The following CIB4 variants were observed in gnomAD, a reference collection of about 807,000 sequenced individuals.
CIB4 encodes the protein calcium and integrin-binding family member 4.
A neutral mutation model predicts 25.8 loss-of-function variants in CIB4; 25 were observed. That is an observed-to-expected ratio of 0.97 (90% confidence interval 0.71 to 1.35). The LOEUF (loss-of-function observed/expected upper bound fraction) is 1.35, where lower values mean the gene tolerates loss of function less well. CIB4 is among the 40% of genes most tolerant of loss of function. The probability of loss-of-function intolerance (pLI) is 0.00; values close to 1 mark genes in which losing one functional copy is unlikely to be tolerated. For synonymous variants in CIB4, 75 were observed against 81.4 expected (o/e 0.92, Z 0.42); for missense variants, 235 against 228.2 (o/e 1.03, Z -0.19).
At chr2:26,624,620 A>AT (rs1178687201) in intron 3 of CIB4, among the ~76,000 whole-genome samples, 3 of 151,260 alleles carry the variant, frequency 2.0e-5, no homozygotes, top group East Asian at 1.9e-4. Flanking sequence ...TGGATGACAT[A>AT]TTTTTTTTAA....
At chr2:26,589,127 TC>T (rs770727404) in intron 4 of CIB4, among the ~76,000 whole-genome samples, 2 of 134,578 alleles carry the variant, frequency 1.5e-5, no homozygotes, top group Non-Finnish European at 3.2e-5. Context: ...TTCTTCTTCT[TC>T]TTCTTCTTCT....
At chr2:26,582,460 A>T (rs557532716) in intron 6 of CIB4, among the ~76,000 whole-genome samples, 6 of 152,168 alleles carry the variant, frequency 3.9e-5, no homozygotes, top group African/African-American at 1.4e-4. Context: ...GCATCTTCAG[A>T]TCCCCCCTGT....
At chr2:26,605,840 G>A (rs1668879059) in intron 3 of CIB4, among the ~76,000 whole-genome samples, 1 of 152,160 alleles carries the variant, frequency 6.6e-6, no homozygotes. Context: ...GCCAAACGAA[G>A]GTCAGGACTC....
intron 3 of CIB4, among the ~76,000 whole-genome samples, chr2:26,606,998 A>G (rs1040699006): frequency 2.0e-5 from 3 of 152,104 alleles, no homozygotes; most frequent in African/African-American, 7.2e-5. Context: ...CCTGACTCAG[A>G]CCCACCAAAC....
rs201259271 is a variant in CIB4, at chr2:26,641,281, C to T, written c.34G>A (p.Glu12Lys). The T allele has an allele frequency of 8.1e-6, 13 of 1,613,592 alleles. No individual in the cohort carries two copies. Among genetic ancestry groups the T allele is most frequent in the African/African-American group, 1.3e-5 (1 of 74,832 alleles). The change falls in exon 1 of 7, where the codon GAG (glutamate) becomes AAG (lysine). Residue 12 changes from glutamate (E) to lysine (K), a missense_variant. Coordinates refer to ENST00000288861, the MANE Select transcript of CIB4 (RefSeq NM_001029881.3). ...GQCLRYQMHW[E>K]DLEEYQALTF... is the part of the protein sequence containing the mutation. ...CCCACCTGGTACTCTTCCAGGTCCT[C>T]CCAGTGCATCTGATACCTCAAGCAT...
At chr2:26,631,476 T>C (rs1312236864) in intron 2 of CIB4, among the ~76,000 whole-genome samples, 1 of 152,026 alleles carries the variant, frequency 6.6e-6, no homozygotes, top group African/African-American at 2.4e-5. Context: ...CCCGTCTCAA[T>C]AAACAACAAA....
chr2:26,638,649 C>A (rs1201347899), intron 2 of CIB4, among the ~76,000 whole-genome samples: 2 of 152,164 alleles, frequency 1.3e-5, no homozygotes, highest in African/African-American at 4.8e-5. Flanking sequence ...CATTGTCTCA[C>A]CCATCGAAGT....
intron 3 of CIB4, among the ~76,000 whole-genome samples, chr2:26,598,591 C>T (rs548125227): frequency 3.9e-4 from 59 of 152,146 alleles, no homozygotes; most frequent in Non-Finnish European, 7.8e-4. Flanking sequence ...GGGCTAGGGC[C>T]GAGCTCACCA....
At chr2:26,637,881 C>A (rs1424575385) in intron 2 of CIB4, among the ~76,000 whole-genome samples, 1 of 152,202 alleles carries the variant, frequency 6.6e-6, no homozygotes, top group Non-Finnish European at 1.5e-5. Flanking sequence ...AGAGTTTCTG[C>A]ACTGCTGTCC....
rs71399396 is a variant in CIB4 at position 26,587,304 on chromosome 2, CAAAAAA to C, written c.329-3412_329-3407del. 5.9e-4 allele frequency among the ~76,000 whole-genome samples: 36 copies of C among 61,476 alleles called. 1 individual carries two copies. The South Asian group carries it at 0.029, about 50-fold the overall frequency. 40.3% of individuals were successfully genotyped at this position (61,476 alleles called of 152,430 possible). ...TGGGCGACAGAGCAAGACTCCGTCT[CAAAAAA>C]AAAAAAAAAAAAAAAAAAGAACCAC... On this transcript the variant is annotated intron_variant, in intron 4 of 6. Transcript: ENST00000288861.
intron 3 of CIB4, among the ~76,000 whole-genome samples, chr2:26,616,280 C>T (rs1047096191): frequency 1.3e-5 from 2 of 152,288 alleles, no homozygotes; most frequent in African/African-American, 2.4e-5. Context: ...GCATGGTGGC[C>T]GTGCCTGCAG....
At chr2:26,630,450 C>T (rs113625830) in intron 2 of CIB4, among the ~76,000 whole-genome samples, 2,492 of 152,270 alleles carry the variant, frequency 0.016, 64 homozygotes, top group African/African-American at 0.057. Context: ...ACTTTAGTTT[C>T]ATCATCTGGA....
chr2:26,606,901 A>T (rs1027988329), intron 3 of CIB4, among the ~76,000 whole-genome samples: 1 of 152,158 alleles, frequency 6.6e-6, no homozygotes, highest in African/African-American at 2.4e-5. Context: ...CGGCAGCTGG[A>T]GGCGGATCGC....
At chr2:26,632,757 CA>C (rs58312058) in intron 2 of CIB4, among the ~76,000 whole-genome samples, 67,650 of 119,876 alleles carry the variant, frequency 0.56, 16,810 homozygotes, top group East Asian at 0.95. Context: ...GACTCCATCT[CA>C]AAAAAAAAAA....
At chr2:26,607,498 A>T (rs1185699867) in intron 3 of CIB4, among the ~76,000 whole-genome samples, 5 of 152,214 alleles carry the variant, frequency 3.3e-5, no homozygotes, top group Admixed American at 6.5e-5. Context: ...CTTATAACAC[A>T]TTAAACAATA....
At chr2:26,611,752 G>A (rs1668999537) in intron 3 of CIB4, among the ~76,000 whole-genome samples, 1 of 152,204 alleles carries the variant, frequency 6.6e-6, no homozygotes, top group Non-Finnish European at 1.5e-5. Context: ...GTCCAGCCAT[G>A]AGGAGATGGT....
At chr2:26,593,328 G>A (rs111334181) in intron 4 of CIB4, among the ~76,000 whole-genome samples, 6,731 of 150,690 alleles carry the variant, frequency 0.045, 515 homozygotes, top group African/African-American at 0.15. Flanking sequence ...GTGTGTATAT[G>A]TGTGTGTGTG....
In CIB4 at chr2:26,595,123, A is replaced by G. The variant is rs554956593; in HGVS notation, c.328+53T>C. On this transcript the variant is annotated intron_variant, in intron 4 of 6. Coordinates refer to ENST00000288861, the MANE Select transcript of CIB4 (RefSeq NM_001029881.3). ...ACTGATGATGGAGTCCAGATACGGT[A>G]TGTTCTCTATGGCCTTTCCACCCCT... 2.3e-4 allele frequency: 354 copies of G among 1,545,572 alleles called. 1 individual carries two copies. The African/African-American group carries it at 4.5e-3, about 19-fold the overall frequency.
At chr2:26,639,078 G>A (rs1669586792) in intron 2 of CIB4, among the ~76,000 whole-genome samples, 1 of 152,164 alleles carries the variant, frequency 6.6e-6, no homozygotes, top group Non-Finnish European at 1.5e-5. Context: ...TCTTCCAGAA[G>A]GCTAGATGGT....
Sources: gnomAD v4.1 joint callset for allele counts (sites outside exome capture counted in the v4.1 genomes callset) on GRCh38, gnomAD v4.1.1 for gene constraint, MANE v1.5 for transcripts, NCBI Gene and HGNC (gene_info 2026-07-23, HGNC 2026-07-21) for gene names.